The following MSH3 variants were observed in gnomAD, a reference collection of about 807,000 sequenced individuals.
MSH3 encodes the protein DNA mismatch repair protein Msh3.
In MSH3, 106 loss-of-function variants were observed where a neutral mutation model predicts 123.3. That is an observed-to-expected ratio of 0.86 (90% CI 0.73 to 1.01). The LOEUF is 1.01. Among genes scored for constraint, MSH3 ranks in the 50% least tolerant of loss-of-function variants. The probability of loss-of-function intolerance (pLI) is 0.00; values close to 1 mark genes in which losing one functional copy is unlikely to be tolerated. For missense variants in MSH3, 1,459 were observed against 1,347.6 expected, an observed-to-expected ratio of 1.08 and a Z score of -1.29; for synonymous variants, 515 against 481.4, an observed-to-expected ratio of 1.07 and a Z score of -0.91.
intron 13 of MSH3, among the ~76,000 whole-genome samples, chr5:80,764,820 T>G (rs1272636968): frequency 6.6e-6 from 1 of 152,212 alleles, no homozygotes; most frequent in Non-Finnish European, 1.5e-5. Context: ...ATAATCGCAC[T>G]TAGCAAATGT....
Position 80,854,325 on chromosome 5 carries a change from C to A in MSH3, c.3000+9C>A. 1 of 1,608,250 alleles carries A rather than the reference C, an allele frequency of 6.2e-7. No individual in the cohort carries two copies. Among genetic ancestry groups the A allele is most frequent in the Non-Finnish European group, 8.5e-7 (1 of 1,175,126 alleles). On this transcript the variant is annotated intron_variant, in intron 21 of 23. Transcript: ENST00000265081. ...AGTATTTCATCAGAGATGTAAGTAT[C>A]CGGTAAACTGTATTTAAAAAGAAAT...
At chr5:80,675,914 A>AG (rs1308755166) in intron 7 of MSH3, among the ~76,000 whole-genome samples, 1 of 152,230 alleles carries the variant, frequency 6.6e-6, no homozygotes, top group Non-Finnish European at 1.5e-5. Flanking sequence ...CTAGATTTGG[A>AG]GGAGGGGATA....
chr5:80,664,481 C>G (rs1749518842), intron 2 of MSH3, among the ~76,000 whole-genome samples: 1 of 137,846 alleles, frequency 7.3e-6, no homozygotes, highest in South Asian at 2.4e-4. Context: ...GTCTGTGTTC[C>G]TAATCGTCCT....
chr5:80,848,337 T>G (rs1250176247), intron 20 of MSH3, among the ~76,000 whole-genome samples: 1 of 152,258 alleles, frequency 6.6e-6, no homozygotes, highest in Non-Finnish European at 1.5e-5. Context: ...CAAGATTTCT[T>G]GTTCTCCAGT....
At chr5:80,697,115 A>G (rs1750500013) in intron 8 of MSH3, among the ~76,000 whole-genome samples, 2 of 152,322 alleles carry the variant, frequency 1.3e-5, no homozygotes, top group African/African-American at 2.4e-5. Context: ...TGATTAGTTC[A>G]TATTTCCTTC....
chr5:80,865,762 G>T (rs1294093082), intron 22 of MSH3, among the ~76,000 whole-genome samples: 1 of 152,120 alleles, frequency 6.6e-6, no homozygotes, highest in Non-Finnish European at 1.5e-5. Context: ...CATCATGCAA[G>T]ATACCCCAGA....
chr5:80,769,647 CTT>C (rs959231576), intron 15 of MSH3, among the ~76,000 whole-genome samples: 1 of 151,926 alleles, frequency 6.6e-6, no homozygotes, highest in Non-Finnish European at 1.5e-5. Context: ...ACTCCTATAT[CTT>C]ATGTTTAATA....
chr5:80,792,056 G>A (rs1744615443), intron 18 of MSH3, among the ~76,000 whole-genome samples: 1 of 152,180 alleles, frequency 6.6e-6, no homozygotes, highest in South Asian at 2.1e-4. Context: ...TAATTGAACA[G>A]CGTATGAAAA....
At chr5:80,871,661 G>A (rs940372666) in intron 22 of MSH3, among the ~76,000 whole-genome samples, 8 of 152,136 alleles carry the variant, frequency 5.3e-5, no homozygotes, top group African/African-American at 1.7e-4. Context: ...ACAACATGGC[G>A]GCTGGCTTCC....
intron 8 of MSH3, among the ~76,000 whole-genome samples, chr5:80,682,077 G>A (rs1749981462): frequency 6.6e-6 from 1 of 151,670 alleles, no homozygotes; most frequent in African/African-American, 2.4e-5. Flanking sequence ...TTTGCATATT[G>A]GACTAAGCGA....
At chr5:80,700,310 G>A (rs922492754) in intron 8 of MSH3, among the ~76,000 whole-genome samples, 6 of 152,118 alleles carry the variant, frequency 3.9e-5, no homozygotes, top group African/African-American at 1.4e-4. Context: ...GAACCTGGGA[G>A]GCAGAGGTTG....
At chr5:80,734,009 A>G (rs1481412292) in intron 10 of MSH3, among the ~76,000 whole-genome samples, 1 of 152,244 alleles carries the variant, frequency 6.6e-6, no homozygotes, top group East Asian at 1.9e-4. Flanking sequence ...AAATGTTCAT[A>G]AGAGCATTAG....
At chr5:80,750,663 C>T (rs1307485501) in intron 12 of MSH3, among the ~76,000 whole-genome samples, 2 of 152,128 alleles carry the variant, frequency 1.3e-5, no homozygotes, top group African/African-American at 4.8e-5. Flanking sequence ...ATATTTTCTC[C>T]TAGTCCCTGG....
intron 19 of MSH3, among the ~76,000 whole-genome samples, chr5:80,805,516 GTATGTTT>G (rs1251641281): frequency 6.7e-6 from 1 of 148,702 alleles, no homozygotes; most frequent in Non-Finnish European, 1.5e-5. Context: ...GATTAGGAAT[GTATGTTT>G]TATAGTTAAA....
intron 19 of MSH3, among the ~76,000 whole-genome samples, chr5:80,795,377 A>G (rs1023371774): frequency 6.6e-6 from 1 of 152,184 alleles, no homozygotes; most frequent in Non-Finnish European, 1.5e-5. Context: ...TATTCCTCAG[A>G]GTTCTAGAGG....
At chr5:80,668,129 GACC>G (rs1411329749) in intron 3 of MSH3, among the ~76,000 whole-genome samples, 2 of 152,148 alleles carry the variant, frequency 1.3e-5, no homozygotes, top group Non-Finnish European at 2.9e-5. Context: ...GCCGAGAGGG[GACC>G]CTGGAGTGGG....
chr5:80,693,077 ATATGTT>A (rs1368408108), intron 8 of MSH3, among the ~76,000 whole-genome samples: 3 of 75,302 alleles, frequency 4.0e-5, no homozygotes, highest in African/African-American at 9.2e-5. Context: ...ATGCACATGT[ATATGTT>A]TATATAGATA....
At chr5:80,736,352 G>A (rs1015370312) in intron 10 of MSH3, among the ~76,000 whole-genome samples, 2 of 151,256 alleles carry the variant, frequency 1.3e-5, no homozygotes, top group African/African-American at 4.9e-5. Context: ...TGAGGTGATA[G>A]GATTTAAGAC....
intron 12 of MSH3, among the ~76,000 whole-genome samples, chr5:80,750,326 A>C (rs1743810951): frequency 6.6e-6 from 1 of 152,148 alleles, no homozygotes; most frequent in Non-Finnish European, 1.5e-5. Context: ...CTGTTTTACA[A>C]AGTGACTGTA....
Sources: gnomAD v4.1 joint callset for allele counts (sites outside exome capture counted in the v4.1 genomes callset) on GRCh38, gnomAD v4.1.1 for gene constraint, MANE v1.5 for transcripts, NCBI Gene and HGNC (gene_info 2026-07-23, HGNC 2026-07-21) for gene names.